The following AFAP1L2 variants were observed in gnomAD, a reference collection of about 807,000 sequenced individuals.
The protein encoded by AFAP1L2 is actin filament-associated protein 1-like 2.
AFAP1L2 carries 46 observed loss-of-function variants against 99.3 expected under a neutral mutation model. That is an observed-to-expected ratio of 0.46 (90% CI 0.37 to 0.59). The LOEUF (loss-of-function observed/expected upper bound fraction) is 0.59, where lower values mean the gene tolerates loss of function less well. Ranked by LOEUF, AFAP1L2 falls within the 20% of genes least tolerant of loss-of-function variation. The pLI, the probability that AFAP1L2 is intolerant of heterozygous loss-of-function variation, is 0.00. For missense variants in AFAP1L2, 959 were observed against 1,034.9 expected, an observed-to-expected ratio of 0.93 and a Z score of 1.01; for synonymous variants, 397 against 419.1, an observed-to-expected ratio of 0.95 and a Z score of 0.64.
upstream of AFAP1L2, chr10:114,404,633 C>G (rs2058559003): frequency 1.6e-5 from 14 of 893,584 alleles, no homozygotes; most frequent in East Asian, 5.1e-4. Flanking sequence ...GGCTCGCCCC[C>G]AGCGCCCCTG....
intron 1 of AFAP1L2, among the ~76,000 whole-genome samples, chr10:114,391,950 C>G (rs528736166): frequency 7.2e-5 from 11 of 152,276 alleles, no homozygotes; most frequent in African/African-American, 2.6e-4. Context: ...AGCACACCTC[C>G]TTACTCTCCC....
At chr10:114,289,273 G>C in the AFAP1L2 span, 1 of 1,614,202 alleles carries the variant, frequency 6.2e-7, no homozygotes, top group Non-Finnish European at 8.5e-7. Context: ...CCCCAAAGCT[G>C]TGGTGGTGCT....
At chr10:114,352,426 A>G (rs564108165) in intron 1 of AFAP1L2, among the ~76,000 whole-genome samples, 71 of 137,022 alleles carry the variant, frequency 5.2e-4, no homozygotes, top group African/African-American at 1.8e-3. Flanking sequence ...GTGATCCAAG[A>G]TGGAGCCACT....
At chr10:114,286,441 C>T in the AFAP1L2 span, 9 of 1,612,570 alleles carry the variant, frequency 5.6e-6, no homozygotes, top group African/African-American at 2.7e-5. Context: ...TGATGGTCTA[C>T]TCGGATCCTC....
rs2054937598 is a variant in AFAP1L2, at chr10:114,377,312, A to G, written c.16+27128T>C. On this transcript the variant is annotated intron_variant, in intron 1 of 18. Coordinates refer to ENST00000304129, the MANE Select transcript of AFAP1L2 (RefSeq NM_001001936.3). This position sits in a 1 kb window ranked among gnomAD's most constrained non-coding sequence, Gnocchi z 4.0. ...TATTCTGCCTTAAAACCCTTCAGAGAGGCCAGTTCCAAGGCAAGAATCAAA... is the reference window on the plus strand; with the variant it reads ...TATTCTGCCTTAAAACCCTTCAGAGGGGCCAGTTCCAAGGCAAGAATCAAA... Among the ~76,000 whole-genome samples the G allele has an allele frequency of 6.6e-6, 1 of 152,208 alleles. No homozygotes were observed. The highest frequency in any genetic ancestry group is 1.5e-5 in the Non-Finnish European group (1 of 68,048).
chr10:114,290,138 ACT>A, downstream of AFAP1L2: 1 of 1,456,400 alleles, frequency 6.9e-7, no homozygotes, highest in Non-Finnish European at 9.2e-7. Flanking sequence ...GGGAGACATG[ACT>A]CTAGTAGCCT....
At chr10:114,373,640 C>T (rs983558332) in intron 1 of AFAP1L2, among the ~76,000 whole-genome samples, 33 of 151,004 alleles carry the variant, frequency 2.2e-4, no homozygotes, top group African/African-American at 7.1e-4. Flanking sequence ...CCACCACCAA[C>T]GACAAAAAAA....
In AFAP1L2 at chr10:114,362,948, G is replaced by A. The variant is rs1219856709; in HGVS notation, c.17-22217C>T. 3.2e-5 allele frequency: 32 copies of A among 985,166 alleles called. No individual in the cohort carries two copies. The South Asian group carries it at 4.7e-4, about 14-fold the overall frequency. The allele number at this position is 985,166 out of a possible 1,614,324, so 61.0% of individuals were successfully genotyped here. Reference sequence around the variant, plus strand: ...ATAGATAATTATGAATAACACTCACGAAAAGCTGACGCACAGTGGGCCGGG... The same window carrying A: ...ATAGATAATTATGAATAACACTCACAAAAAGCTGACGCACAGTGGGCCGGG... On this transcript the variant is annotated intron_variant, in intron 1 of 18. Transcript: ENST00000304129.
downstream of AFAP1L2, chr10:114,291,466 G>A (rs924870689): frequency 5.6e-5 from 30 of 536,094 alleles, no homozygotes; most frequent in Non-Finnish European, 8.4e-5. Context: ...ACCCACAAAC[G>A]ATGTTGTTGA....
At chr10:114,309,187 G>C (rs963100385) in intron 8 of AFAP1L2, among the ~76,000 whole-genome samples, 10 of 152,192 alleles carry the variant, frequency 6.6e-5, no homozygotes, top group African/African-American at 2.2e-4. Context: ...CCTTAGGCAG[G>C]GTCCAGGGCC....
At position 114,335,571 on chromosome 10, in the gene AFAP1L2, C is replaced by T. The variant is rs528054175; in HGVS notation, c.146-2276G>A. 2.1e-4 allele frequency among the ~76,000 whole-genome samples: 31 copies of T among 148,930 alleles called. 1 individual carries two copies. The highest frequency in any genetic ancestry group is 8.9e-5 in the Non-Finnish European group (6 of 67,566). On this transcript the variant is annotated intron_variant, in intron 2 of 18. Transcript: ENST00000304129. ...GAGCTTGCAGTGAGCTGAGATAGTG[C>T]CACTGCACTCCAGCCTGGTCAACAG...
chr10:114,310,972 C>T (rs1363861919), intron 7 of AFAP1L2, among the ~76,000 whole-genome samples: 1 of 151,028 alleles, frequency 6.6e-6, no homozygotes, highest in Non-Finnish European at 1.5e-5. Context: ...CGCCCGCCCG[C>T]CTCTGGGAAG....
the AFAP1L2 span, chr10:114,289,601 C>G: frequency 8.0e-7 from 1 of 1,253,444 alleles, no homozygotes; most frequent in Non-Finnish European, 1.1e-6. Context: ...TGAGCACTTG[C>G]TTCCCAAGTG....
chr10:114,339,488 G>A (rs2048469290), intron 2 of AFAP1L2, among the ~76,000 whole-genome samples: 1 of 152,186 alleles, frequency 6.6e-6, no homozygotes, highest in South Asian at 2.1e-4. Context: ...TTACTCGTGG[G>A]CTGCTGTGTC....
chr10:114,404,534 C>G, upstream of AFAP1L2: 1 of 1,473,746 alleles, frequency 6.8e-7, no homozygotes, highest in Non-Finnish European at 8.9e-7. Flanking sequence ...CAGGCCGCCG[C>G]GCTGGCCCCT....
At chr10:114,394,810 C>A (rs956307713) in intron 1 of AFAP1L2, among the ~76,000 whole-genome samples, 12 of 152,054 alleles carry the variant, frequency 7.9e-5, no homozygotes, top group African/African-American at 2.9e-4. Flanking sequence ...CCGACTTGAA[C>A]CAGAGACAAG....
intron 1 of AFAP1L2, among the ~76,000 whole-genome samples, chr10:114,366,351 C>A (rs1315687856): frequency 6.6e-6 from 1 of 152,148 alleles, no homozygotes; most frequent in Non-Finnish European, 1.5e-5. Flanking sequence ...GTGCAGCGTA[C>A]TCAAGACCCA....
intron 7 of AFAP1L2, among the ~76,000 whole-genome samples, chr10:114,311,820 C>T (rs2043286582): frequency 6.6e-6 from 1 of 152,230 alleles, no homozygotes; most frequent in African/African-American, 2.4e-5. Context: ...CTGTCATATA[C>T]CTGTCTCACC....
intron 10 of AFAP1L2, chr10:114,305,202 C>A: frequency 4.8e-5 from 1 of 20,786 alleles, no homozygotes; most frequent in Non-Finnish European, 8.6e-5. Context: ...AAGGAGGGGG[C>A]GGGGCTGCGG....
Sources: allele counts gnomAD v4.1 joint callset (sites outside exome capture counted in the v4.1 genomes callset), GRCh38; gene constraint gnomAD v4.1.1; non-coding constraint Gnocchi (gnomAD v3.1); transcripts MANE v1.5; gene names NCBI Gene and HGNC (gene_info 2026-07-23, HGNC 2026-07-21).